TMEM143: variants seen among roughly 807,000 people sequenced by gnomAD.
TMEM143 encodes transmembrane protein 143.
TMEM143 carries 45 observed loss-of-function variants against 40.3 expected under a neutral mutation model. That is an observed-to-expected ratio of 1.12 (90% confidence interval 0.88 to 1.43). The LOEUF is 1.43. Among genes scored for constraint, TMEM143 ranks in the 40% most tolerant of loss-of-function variants. The pLI, the probability that TMEM143 is intolerant of heterozygous loss-of-function variation, is 0.00. For synonymous variants in TMEM143, 299 were observed against 282.7 expected, an observed-to-expected ratio of 1.06 and a Z score of -0.58; for missense variants, 620 against 613.4, an observed-to-expected ratio of 1.01 and a Z score of -0.11.
chr19:48,363,065 C>T (rs1032017696), intron 2 of TMEM143, among the ~76,000 whole-genome samples: 1 of 152,226 alleles, frequency 6.6e-6, no homozygotes, highest in Non-Finnish European at 1.5e-5. Flanking sequence ...CCTGTTCAAG[C>T]CCTCAGAACA....
intron 2 of TMEM143, among the ~76,000 whole-genome samples, 156 bp downstream of exon 2, chr19:48,363,135 G>A (rs531647772): frequency 1.3e-5 from 2 of 152,320 alleles, no homozygotes; most frequent in South Asian, 4.1e-4. Flanking sequence ...CTGCATTCCA[G>A]CTCATCTCCC....
intron 3 of TMEM143, among the ~76,000 whole-genome samples, chr19:48,347,738 A>G (rs1286468757): frequency 2.0e-5 from 3 of 151,078 alleles, no homozygotes; most frequent in Non-Finnish European, 4.4e-5. Flanking sequence ...TTGTATTTTT[A>G]GTAGAGACGG....
intron 2 of TMEM143, among the ~76,000 whole-genome samples, chr19:48,361,922 C>T (rs1254243342): frequency 6.6e-6 from 1 of 152,194 alleles, no homozygotes; most frequent in African/African-American, 2.4e-5. Context: ...GAGGATTACA[C>T]GCTCTTTCTT....
At chr19:48,348,817 C>G (rs1159747647) in intron 3 of TMEM143, among the ~76,000 whole-genome samples, 1 of 152,174 alleles carries the variant, frequency 6.6e-6, no homozygotes. Context: ...GATCACACTT[C>G]CTAGTAGGGC....
chr19:48,340,502 C>A (rs530473045), intron 6 of TMEM143, among the ~76,000 whole-genome samples: 2 of 151,360 alleles, frequency 1.3e-5, no homozygotes, highest in Non-Finnish European at 2.9e-5. Context: ...TGGGCTCAAG[C>A]GATCCTCCCA....
rs544922330 is a variant in TMEM143, at chr19:48,333,998, C to G, written c.1165+10G>C. The G allele has an allele frequency of 3.2e-4, 494 of 1,532,286 alleles. 1 individual carries two copies. Among genetic ancestry groups the G allele is most frequent in the Non-Finnish European group, 4.0e-4 (456 of 1,141,142 alleles). The allele number at this position is 1,532,286 out of a possible 1,614,324, so 94.9% of individuals were successfully genotyped here. ...GCCCCTGGGGGCAGGGTCCCAGGGCCACGTCCTACCTTCGGGCGAGCCTTG... is the reference window on the plus strand; with the variant it reads ...GCCCCTGGGGGCAGGGTCCCAGGGCGACGTCCTACCTTCGGGCGAGCCTTG... On this transcript the variant is annotated intron_variant, in intron 7 of 7. Transcript: ENST00000293261. The surrounding 1 kb of genome is among the most constrained non-coding windows in gnomAD (Gnocchi z 4.1).
chr19:48,339,023 G>A lies in TMEM143; in HGVS notation c.975+3507C>T, dbSNP rs965951503. ...GCAAGCATGCAGGAGGAGCTGAGGC[G>A]CAGATTCGAGGGGAAGGATTGTGTC... On this transcript the variant is annotated intron_variant, in intron 6 of 7. Transcript: ENST00000293261. Among the ~76,000 whole-genome samples, 22 of 152,274 alleles carry A rather than the reference G, an allele frequency of 1.4e-4. 1 individual carries two copies. Among genetic ancestry groups the A allele is most frequent in the Admixed American group, 9.8e-4 (15 of 15,290 alleles).
intron 3 of TMEM143, among the ~76,000 whole-genome samples, chr19:48,347,509 T>C (rs949692410): frequency 6.6e-6 from 1 of 151,698 alleles, no homozygotes; most frequent in African/African-American, 2.4e-5. Context: ...ATCCAGGAGT[T>C]TGAGACCAGC....
intron 6 of TMEM143, among the ~76,000 whole-genome samples, chr19:48,334,991 G>A (rs1407698158): frequency 1.3e-5 from 2 of 152,194 alleles, no homozygotes; most frequent in Non-Finnish European, 2.9e-5. Context: ...GCTCATCTGA[G>A]CCATGTATTA....
intron 2 of TMEM143, among the ~76,000 whole-genome samples, chr19:48,362,132 G>A (rs554543022): frequency 1.7e-4 from 26 of 152,196 alleles, no homozygotes; most frequent in African/African-American, 5.8e-4. Context: ...GTGTATTTGT[G>A]TGTGTACTTG....
chr19:48,351,153 C>T (rs996861111), intron 3 of TMEM143, among the ~76,000 whole-genome samples: 4 of 151,968 alleles, frequency 2.6e-5, no homozygotes, highest in Non-Finnish European at 4.4e-5. Context: ...TCAACACCTC[C>T]GCAAGGGCAT....
At chr19:48,358,594 C>T (rs1969964690) in intron 3 of TMEM143, among the ~76,000 whole-genome samples, 1 of 152,008 alleles carries the variant, frequency 6.6e-6, no homozygotes, top group Non-Finnish European at 1.5e-5. Context: ...TCTCTTCCTC[C>T]CCAGAACACC....
At chr19:48,334,495 T>C (rs1969318363) in intron 6 of TMEM143, among the ~76,000 whole-genome samples, 1 of 130,292 alleles carries the variant, frequency 7.7e-6, no homozygotes, top group South Asian at 2.5e-4. Flanking sequence ...TTTCTTTCTT[T>C]CGTTCTTTCT....
chr19:48,350,897 G>C (rs534072925), intron 3 of TMEM143, among the ~76,000 whole-genome samples: 3 of 130,104 alleles, frequency 2.3e-5, no homozygotes, highest in African/African-American at 8.8e-5. Flanking sequence ...ACTCCAGCCT[G>C]GGAGACAGTG....
intron 3 of TMEM143, among the ~76,000 whole-genome samples, chr19:48,352,842 C>T (rs989107132): frequency 2.0e-5 from 3 of 152,032 alleles, no homozygotes; most frequent in African/African-American, 7.2e-5. Context: ...GTCTCAAACT[C>T]CTGTCCTCAA....
chr19:48,363,732 G>C, intron 1 of TMEM143, 166 bp downstream of exon 1: 1 of 1,389,278 alleles, frequency 7.2e-7, no homozygotes, highest in Non-Finnish European at 9.9e-7. Flanking sequence ...AGAGGTCTTA[G>C]GTTCTGGGGC....
chr19:48,356,134 T>C (rs537951057), intron 3 of TMEM143, among the ~76,000 whole-genome samples: 7 of 151,902 alleles, frequency 4.6e-5, no homozygotes, highest in East Asian at 1.9e-4. Context: ...TTTTTTTTTT[T>C]TGGGATGGAG....
rs1436202822 is a variant in TMEM143 at position 48,333,674 on chromosome 19, G to A, written c.1166-241C>T. On this transcript the variant is annotated intron_variant, in intron 7 of 7. Coordinates refer to ENST00000293261, the MANE Select transcript of TMEM143 (RefSeq NM_018273.4). This position sits in a 1 kb window ranked among gnomAD's most constrained non-coding sequence, Gnocchi z 4.1. ...GGGGCTCTTGGGCAGGGAAGGTGGG[G>A]GCTCCTGTAGGCAAGGGGACCACCT... Among the ~76,000 whole-genome samples the A allele has an allele frequency of 6.6e-6, 1 of 152,122 alleles. No homozygotes were observed. Among genetic ancestry groups the A allele is most frequent in the African/African-American group, 2.4e-5 (1 of 41,436 alleles).
At chr19:48,354,095 ATC>A (rs1969832301) in intron 3 of TMEM143, among the ~76,000 whole-genome samples, 1 of 150,416 alleles carries the variant, frequency 6.6e-6, no homozygotes, top group Non-Finnish European at 1.5e-5. Flanking sequence ...AGTAGCTGGG[ATC>A]ACAGGCATGT....
Sources: allele counts gnomAD v4.1 joint callset (sites outside exome capture counted in the v4.1 genomes callset), GRCh38; gene constraint gnomAD v4.1.1; non-coding constraint Gnocchi (gnomAD v3.1); transcripts MANE v1.5; gene names NCBI Gene and HGNC (gene_info 2026-07-23, HGNC 2026-07-21).